The following STK32B variants were observed in gnomAD, a reference collection of about 807,000 sequenced individuals.
The protein encoded by STK32B is serine/threonine kinase 32B, also known as serine/threonine-protein kinase 32B.
In STK32B, 43 loss-of-function variants were observed where a neutral mutation model predicts 52.6. The observed-to-expected ratio is 0.82, with a 90% CI of 0.64 to 1.05. STK32B has a LOEUF of 1.05. Among genes scored for constraint, STK32B ranks in the 50% least tolerant of loss-of-function variants. The pLI is 0.00. For missense variants in STK32B, 621 were observed against 534.6 expected, an observed-to-expected ratio of 1.16 and a Z score of -1.59; for synonymous variants, 238 against 204.3, an observed-to-expected ratio of 1.17 and a Z score of -1.41.
Position 5,398,302 on chromosome 4 carries a change from A to C in STK32B, c.472+58A>C. The C allele has an allele frequency of 6.3e-7, 1 of 1,591,708 alleles. No individual in the cohort carries two copies. The highest frequency in any genetic ancestry group is 8.6e-7 in the Non-Finnish European group (1 of 1,161,026). On this transcript the variant is annotated intron_variant, in intron 5 of 11. Transcript: ENST00000282908. This position sits in a 1 kb window ranked among gnomAD's most constrained non-coding sequence, Gnocchi z 4.9. ...TCAGTGGAAAGTTTGAGGCACTGGGAAATAGTGCGGGGGTGGGGGTTGGGT... is the reference window on the plus strand; with the variant it reads ...TCAGTGGAAAGTTTGAGGCACTGGGCAATAGTGCGGGGGTGGGGGTTGGGT...
At chr4:5,281,680 C>T (rs999635394) in intron 3 of STK32B, among the ~76,000 whole-genome samples, 3 of 152,064 alleles carry the variant, frequency 2.0e-5, no homozygotes, top group Non-Finnish European at 4.4e-5. Context: ...CTAAACTCAG[C>T]AACAAAGTTG....
At chr4:5,083,610 A>T (rs975939996) in intron 1 of STK32B, among the ~76,000 whole-genome samples, 1 of 152,358 alleles carries the variant, frequency 6.6e-6, no homozygotes, top group South Asian at 2.1e-4. Flanking sequence ...AAAGGCTAGA[A>T]TTATTCCCAG....
chr4:5,223,904 G>A (rs1446675676), intron 3 of STK32B, among the ~76,000 whole-genome samples: 3 of 150,996 alleles, frequency 2.0e-5, no homozygotes, highest in African/African-American at 7.3e-5. Flanking sequence ...ACTGAGACCT[G>A]TTATTCCTTT....
At position 5,051,762 on chromosome 4, in the gene STK32B, G is replaced by A; in HGVS notation, c.-102G>A. The A allele has an allele frequency of 6.6e-7, 1 of 1,509,452 alleles. No individual in the cohort carries two copies. 93.5% of individuals were successfully genotyped at this position (1,509,452 alleles called of 1,614,324 possible). On this transcript the variant is annotated 5_prime_UTR_variant, in exon 1 of 12. Coordinates refer to ENST00000282908, the MANE Select transcript of STK32B (RefSeq NM_018401.3). ...GGGCTCCGCGCGCGGCTACAACCCG[G>A]ACTGGGCGCGCCCCCGGCATCCCGC...
At chr4:5,494,453 T>C (rs1213153045) in intron 11 of STK32B, among the ~76,000 whole-genome samples, 1 of 151,976 alleles carries the variant, frequency 6.6e-6, no homozygotes, top group Non-Finnish European at 1.5e-5. Flanking sequence ...TCCCTTTATT[T>C]TGAGCCTATG....
chr4:5,036,071 C>G, the STK32B span, among the ~76,000 whole-genome samples: 13 of 152,044 alleles, frequency 8.6e-5, no homozygotes, highest in South Asian at 2.7e-3. Context: ...CGTGAGCCAT[C>G]GTGCCTGGCT....
intron 4 of STK32B, among the ~76,000 whole-genome samples, chr4:5,359,579 T>C (rs1156257603): frequency 6.6e-6 from 1 of 152,176 alleles, no homozygotes; most frequent in Middle Eastern, 3.2e-3. Context: ...CAGGCAGTGA[T>C]AAGTGCTGTG....
intron 11 of STK32B, among the ~76,000 whole-genome samples, chr4:5,482,045 C>T (rs1488124215): frequency 2.0e-5 from 3 of 151,950 alleles, no homozygotes; most frequent in Admixed American, 6.6e-5. Context: ...TTCTTTTGGC[C>T]TAGGATTGAC....
At chr4:5,444,630 G>C (rs964156351) in intron 6 of STK32B, among the ~76,000 whole-genome samples, 2 of 152,100 alleles carry the variant, frequency 1.3e-5, no homozygotes, top group African/African-American at 2.4e-5. Flanking sequence ...TCCTCCCCCC[G>C]CCTTGGGCAT....
At chr4:5,253,635 A>G (rs1282008251) in intron 3 of STK32B, among the ~76,000 whole-genome samples, 3 of 152,018 alleles carry the variant, frequency 2.0e-5, no homozygotes, top group South Asian at 2.1e-4. Context: ...CTCGGCCTCC[A>G]AAGTGCTGGG....
chr4:5,046,425 A>C, the STK32B span, among the ~76,000 whole-genome samples: 9 of 152,154 alleles, frequency 5.9e-5, no homozygotes, highest in Non-Finnish European at 8.8e-5. Flanking sequence ...AGAAGAAAAC[A>C]TAGGCTATAC....
chr4:5,162,669 A>T (rs1718537917), intron 2 of STK32B, among the ~76,000 whole-genome samples: 1 of 152,226 alleles, frequency 6.6e-6, no homozygotes, highest in Admixed American at 6.5e-5. Context: ...CTTGCCTTTC[A>T]GTAGCAGCTT....
At chr4:5,167,803 G>A (rs780371348) in intron 2 of STK32B, among the ~76,000 whole-genome samples, 15 of 152,292 alleles carry the variant, frequency 9.8e-5, no homozygotes, top group Admixed American at 2.0e-4. Flanking sequence ...CAGCAAAGTG[G>A]GCCCTACTGG....
chr4:5,248,179 A>G (rs1447397803), intron 3 of STK32B, among the ~76,000 whole-genome samples: 4 of 152,226 alleles, frequency 2.6e-5, no homozygotes, highest in Non-Finnish European at 5.9e-5. Context: ...GTTTGGAGTG[A>G]CATGAAGTAC....
intron 4 of STK32B, among the ~76,000 whole-genome samples, chr4:5,379,902 ACTTTGGGATCACCTTG>A (rs925737427): frequency 1.3e-5 from 2 of 152,118 alleles, no homozygotes; most frequent in African/African-American, 2.4e-5. Context: ...ACTTGATAAA[ACTTTGGGATCACCTTG>A]CTTTGGGATC....
intron 4 of STK32B, among the ~76,000 whole-genome samples, chr4:5,351,288 C>G (rs1285613950): frequency 2.0e-5 from 3 of 151,972 alleles, no homozygotes; most frequent in East Asian, 3.8e-4. Context: ...TGGAATAAAA[C>G]TAGAAATCAA....
rs1476271645 is a variant in STK32B at position 5,453,510 on chromosome 4, T to C, written c.667-3297T>C. On this transcript the variant is annotated intron_variant, in intron 7 of 11. Transcript: ENST00000282908. The surrounding 1 kb of genome is among the most constrained non-coding windows in gnomAD (Gnocchi z 4.0). ...AATGAGGGATGAAGTGCCCCATCATTGTCCAGGGTCTTTGCACCTCCTTTT... is the reference window on the plus strand; with the variant it reads ...AATGAGGGATGAAGTGCCCCATCATCGTCCAGGGTCTTTGCACCTCCTTTT... Among the ~76,000 whole-genome samples the C allele has an allele frequency of 1.3e-5, 2 of 152,060 alleles. No individual in the cohort carries two copies. Among genetic ancestry groups the C allele is most frequent in the African/African-American group, 4.8e-5 (2 of 41,404 alleles).
chr4:5,434,674 C>T (rs980177549), intron 6 of STK32B, among the ~76,000 whole-genome samples: 1 of 152,090 alleles, frequency 6.6e-6, no homozygotes, highest in Admixed American at 6.5e-5. Context: ...GGAGGTAGTA[C>T]CCACCTGACA....
upstream of STK32B, among the ~76,000 whole-genome samples, chr4:5,048,640 C>A (rs1249688830): frequency 6.6e-6 from 1 of 152,224 alleles, no homozygotes; most frequent in African/African-American, 2.4e-5. Context: ...ACCATGTTGG[C>A]CAGTCTCGAA....
Sources: allele counts gnomAD v4.1 joint callset (sites outside exome capture counted in the v4.1 genomes callset), GRCh38; gene constraint gnomAD v4.1.1; non-coding constraint Gnocchi (gnomAD v3.1); transcripts MANE v1.5; gene names NCBI Gene and HGNC (gene_info 2026-07-23, HGNC 2026-07-21).